POLI: variants seen among roughly 807,000 people sequenced by gnomAD.
POLI encodes DNA polymerase iota, also known as RAD30 homolog B.
Under a neutral mutation model 51.6 loss-of-function variants are expected in POLI, and 58 were observed. The ratio of observed to expected loss-of-function variants is 1.12; its 90% confidence interval spans 0.91 to 1.40. The LOEUF (loss-of-function observed/expected upper bound fraction) is 1.40, where lower values mean the gene tolerates loss of function less well. Ranked by LOEUF, POLI falls within the 40% of genes most tolerant of loss-of-function variation. The probability of loss-of-function intolerance (pLI) is 0.00; values close to 1 mark genes in which losing one functional copy is unlikely to be tolerated. For missense variants in POLI, 921 were observed against 871.3 expected (o/e 1.06, Z -0.72); for synonymous variants, 322 against 299.7 (o/e 1.07, Z -0.77).
chr18:54,288,390 T>C (rs1185728632), intron 8 of POLI, among the ~76,000 whole-genome samples: 1 of 152,178 alleles, frequency 6.6e-6, no homozygotes, highest in Non-Finnish European at 1.5e-5. Context: ...GTTAATTTTT[T>C]TATGTGTGGT....
chr18:54,287,147 C>T (rs3218781), intron 7 of POLI, 134 bp from the exon 8 acceptor site: 7,141 of 553,828 alleles, frequency 0.013, 64 homozygotes, highest in Non-Finnish European at 0.017. Flanking sequence ...TTATTGCTTA[C>T]TATTTTGTTA....
intron 4 of POLI, among the ~76,000 whole-genome samples, chr18:54,278,878 C>T (rs2087369111): frequency 6.6e-6 from 1 of 152,180 alleles, no homozygotes; most frequent in Non-Finnish European, 1.5e-5. Flanking sequence ...TGCATTTCCT[C>T]TTATCCTCTT....
chr18:54,274,077 T>C lies in POLI; in HGVS notation c.393T>C (p.Ser131=). 6.8e-7 allele frequency: 1 copy of C among 1,462,652 alleles called. No individual in the cohort carries two copies. The highest frequency in any genetic ancestry group is 9.1e-7 in the Non-Finnish European group (1 of 1,100,244). The allele number at this position is 1,462,652 out of a possible 1,614,324, so 90.6% of individuals were successfully genotyped here. ...GEDLTRYREM[S]YKVTELLEEF... is the part of the protein sequence containing the mutation. ...ACCTGACCCGCTACAGAGAAATGTC[T>C]TATAAGGTTACAGGTACAAATGATA... The change falls in exon 3 of 10, where the codon TCT becomes TCC. Residue 131 remains serine (S), a synonymous_variant. Coordinates refer to ENST00000579534, the MANE Select transcript of POLI (RefSeq NM_007195.3).
rs759743791 is a variant in POLI, at chr18:54,292,086, A to G, written c.1404+48A>G. Reference sequence around the variant, plus strand: ...AGTTTTCTAAGTATACTCTTATGGGATTTGTGTGGTTACATTACAAATCTA... The same window carrying G: ...AGTTTTCTAAGTATACTCTTATGGGGTTTGTGTGGTTACATTACAAATCTA... On this transcript the variant is annotated intron_variant, in intron 9 of 9. Transcript: ENST00000579534. 1.6e-5 allele frequency: 18 copies of G among 1,109,070 alleles called. No individual in the cohort carries two copies. In the South Asian group the frequency reaches 2.5e-4, roughly 15 times the overall value. The allele number at this position is 1,109,070 out of a possible 1,614,324, so 68.7% of individuals were successfully genotyped here.
intron 5 of POLI, among the ~76,000 whole-genome samples, chr18:54,281,638 G>T (rs1256255666): frequency 6.6e-6 from 1 of 151,946 alleles, no homozygotes; most frequent in Non-Finnish European, 1.5e-5. Context: ...AAGTTTTTTG[G>T]ATGACTTTGG....
chr18:54,293,961 T>C lies in POLI; in HGVS notation c.1717T>C (p.Ser573Pro). ...CTCTAGAGGAGTATTATCTTTCTTTTCTAAAAAACAAATGCAAGATATTCC... is the reference window on the plus strand; with the variant it reads ...CTCTAGAGGAGTATTATCTTTCTTTCCTAAAAAACAAATGCAAGATATTCC... ...HASRGVLSFF[S>P]KKQMQDIPIN... Residue 573 changes from serine to proline, a missense_variant, in exon 10 of 10, where the codon TCT becomes CCT. Transcript: ENST00000579534. The C allele has an allele frequency of 6.2e-7, 1 of 1,612,920 alleles. No homozygotes were observed. Among genetic ancestry groups the C allele is most frequent in the Non-Finnish European group, 8.5e-7 (1 of 1,179,172 alleles).
intron 8 of POLI, chr18:54,287,731 T>C (rs1273589803): frequency 1.8e-5 from 3 of 171,232 alleles, no homozygotes; most frequent in South Asian, 2.8e-4. Context: ...AGGTGCATGC[T>C]ACCAGACCTG....
chr18:54,271,156 C>CAAAG (rs34689541), intron 1 of POLI: 131,327 of 427,728 alleles, frequency 0.31, 25,727 homozygotes, highest in African/African-American at 0.69. Flanking sequence ...ACGCAGTGCA[C>CAAAG]AAACAGTAAT....
At position 54,291,732 on chromosome 18, in the gene POLI, C is replaced by T. The variant is rs191290025; in HGVS notation, c.1199-101C>T. The T allele has an allele frequency of 1.5e-3, 849 of 581,972 alleles. 10 individuals are homozygous for T. Among genetic ancestry groups the T allele is most frequent in the Non-Finnish European group, 2.0e-4 (66 of 333,380 alleles). 36.1% of individuals were successfully genotyped at this position (581,972 alleles called of 1,614,324 possible). A position where few individuals can be genotyped will look rare whatever the true frequency, so the allele number is the denominator to read the frequency against. ...TAATTTGGTATATAATGTCAAGATG[C>T]CCAGTGATATTTAGGATTTTAATTT... On this transcript the variant is annotated intron_variant, in intron 8 of 9. Coordinates refer to ENST00000579534, the MANE Select transcript of POLI (RefSeq NM_007195.3).
chr18:54,294,146 A>G lies in POLI; in HGVS notation c.1902A>G (p.Ile634Met), dbSNP rs543695647. ...ATAATAGATTAAAAGATGAACGAAT[A>G]AGTCAAGGACCTAAAGAACCTCAAG... is the stretch of plus-strand genomic sequence containing the variant. ...YLDNRLKDER[I>M]SQGPKEPQGF... is the part of the protein sequence containing the mutation. The change falls in exon 10 of 10, where the codon ATA becomes ATG. Residue 634 changes from isoleucine (I) to methionine (M), a missense_variant. By Grantham distance (10) the Ile-to-Met change is conservative. Coordinates refer to ENST00000579534, the MANE Select transcript of POLI (RefSeq NM_007195.3). The G allele has an allele frequency of 4.3e-6, 7 of 1,611,322 alleles. No individual in the cohort carries two copies. The Admixed American group carries it at 1.0e-4, about 23-fold the overall frequency.
chr18:54,317,592 G>A (rs2088751153), intron 3 of POLI, among the ~76,000 whole-genome samples: 1 of 152,174 alleles, frequency 6.6e-6, no homozygotes, highest in Non-Finnish European at 1.5e-5. Context: ...GCTGGATGCA[G>A]TAGCTTATGT....
At chr18:54,282,276 A>G (rs187929883) in intron 5 of POLI, among the ~76,000 whole-genome samples, 1 of 152,226 alleles carries the variant, frequency 6.6e-6, no homozygotes, top group East Asian at 1.9e-4. Flanking sequence ...GACAGCATTT[A>G]TTGGCTGTCT....
In POLI at chr18:54,280,677, G is replaced by T. The variant is rs1568125910; in HGVS notation, c.570G>T (p.Leu190=). The T allele has an allele frequency of 6.2e-7, 1 of 1,608,752 alleles. No individual in the cohort carries two copies. The highest frequency in any genetic ancestry group is 8.5e-7 in the Non-Finnish European group (1 of 1,175,214). Residue 190 remains leucine (L), a synonymous_variant, in exon 5 of 10, where the codon CTG becomes CTT. Coordinates refer to ENST00000579534, the MANE Select transcript of POLI (RefSeq NM_007195.3). ...GHVYNNQSIN[L]LDVLHIRLLV... The stretch of plus-strand genomic sequence containing the variant: ...TTGTTGTTTTTAAAGCTATAAACCT[G>T]CTTGACGTCTTGCACATCAGACTAC...
Position 54,269,615 on chromosome 18 carries a change from C to T in POLI, c.69C>T (p.Ala23=). 2 of 1,511,440 alleles carry T rather than the reference C, an allele frequency of 1.3e-6. No individual in the cohort carries two copies. The highest frequency in any genetic ancestry group is 1.8e-6 in the Non-Finnish European group (2 of 1,132,630). 93.6% of individuals were successfully genotyped at this position (1,511,440 alleles called of 1,614,324 possible). Residue 23 remains alanine (A), a synonymous_variant, in exon 1 of 10, where the codon GCC becomes GCT. Coordinates refer to ENST00000579534, the MANE Select transcript of POLI (RefSeq NM_007195.3). ...ACGACGACGAGGAAGACGCCGAGGC[C>T]TGGGCCATGGAACTGGCGGACGTGG... ...GGDDDEEDAE[A]WAMELADVGA...
Position 54,295,993 on chromosome 18 carries a change from T to G in POLI, c.*1526T>G, listed in dbSNP as rs1568150055. On this transcript the variant is annotated 3_prime_UTR_variant, in exon 10 of 10. Transcript: ENST00000579534. ...TTGAAAATATGCTAACACGAAGGAT[T>G]GTAAATAGGTAGTTTGAGGTTATCA... 1 of 984,906 alleles carries G rather than the reference T, an allele frequency of 1.0e-6. No individual in the cohort carries two copies. Among genetic ancestry groups the G allele is most frequent in the Non-Finnish European group, 1.2e-6 (1 of 829,586 alleles). 61.0% of individuals were successfully genotyped at this position (984,906 alleles called of 1,614,324 possible).
exon 5 of POLI, chr18:54,321,263 C>T (rs1309635280): frequency 6.6e-6 from 1 of 152,188 alleles, no homozygotes; most frequent in South Asian, 2.1e-4. Flanking sequence ...ACTATTTAAC[C>T]TTATGAGATT....
downstream of POLI, among the ~76,000 whole-genome samples, chr18:54,300,976 C>T (rs563521225): frequency 6.6e-6 from 1 of 152,188 alleles, no homozygotes; most frequent in South Asian, 2.1e-4. Flanking sequence ...AAAATATCCA[C>T]AATTGTAGTT....
At position 54,295,282 on chromosome 18, in the gene POLI, T is replaced by C. The variant is rs1381588629; in HGVS notation, c.*815T>C. ...AAAAGCACTGAGATGTTTTTGTATC[T>C]TCCCTACATTTGGAGATGATATTAG... On this transcript the variant is annotated 3_prime_UTR_variant, in exon 10 of 10. Transcript: ENST00000579534. The C allele has an allele frequency of 3.0e-6, 3 of 984,326 alleles. No individual in the cohort carries two copies. The highest frequency in any genetic ancestry group is 2.3e-4 in the East Asian group (2 of 8,816). The allele number at this position is 984,326 out of a possible 1,614,324, so 61.0% of individuals were successfully genotyped here. A position where few individuals can be genotyped will look rare whatever the true frequency, so the allele number is the denominator to read the frequency against.
At position 54,269,598 on chromosome 18, in the gene POLI, G is replaced by A. The variant is rs1197681887; in HGVS notation, c.52G>A (p.Glu18Lys). ...GGAGGAAGGCGGCGGCGACGACGAC[G>A]AGGAAGACGCCGAGGCCTGGGCCAT... is the stretch of plus-strand genomic sequence containing the variant. ...PEEEGGGDDD[E>K]EDAEAWAMEL... The change falls in exon 1 of 10, where the codon GAG (glutamate) becomes AAG (lysine). Residue 18 changes from glutamate to lysine, a missense_variant. Physicochemically the swap from Glu to Lys is moderately conservative, Grantham distance 56. Transcript: ENST00000579534. The A allele has an allele frequency of 6.0e-6, 9 of 1,501,668 alleles. No homozygotes were observed. The highest frequency in any genetic ancestry group is 1.8e-6 in the Non-Finnish European group (2 of 1,129,936). 93.0% of individuals were successfully genotyped at this position (1,501,668 alleles called of 1,614,324 possible).
Sources: gnomAD v4.1 joint callset for allele counts (sites outside exome capture counted in the v4.1 genomes callset) on GRCh38, gnomAD v4.1.1 for gene constraint, MANE v1.5 for transcripts, NCBI Gene and HGNC (gene_info 2026-07-23, HGNC 2026-07-21) for gene names.